The following TMED10 variants were observed in gnomAD, a reference collection of about 807,000 sequenced individuals.
TMED10 encodes transmembrane p24 trafficking protein 10.
In TMED10, 7 loss-of-function variants were observed where a neutral mutation model predicts 23.1. The observed-to-expected ratio is 0.30, with a 90% CI of 0.17 to 0.57. TMED10 has a LOEUF of 0.57. Among genes scored for constraint, TMED10 ranks in the 20% least tolerant of loss-of-function variants. The pLI, the probability that TMED10 is intolerant of heterozygous loss-of-function variation, is 0.91. For synonymous variants in TMED10, 113 were observed against 106.9 expected (o/e 1.06, Z -0.35); for missense variants, 162 against 274.8 (o/e 0.59, Z 2.90).
chr14:75,162,702 C>T (rs116819789), intron 1 of TMED10, among the ~76,000 whole-genome samples: 3,424 of 152,130 alleles, frequency 0.023, 86 homozygotes, highest in African/African-American at 0.055. Context: ...AGAAACCTGA[C>T]AAACACTAAT....
At chr14:75,139,360 TAATC>T (rs78813167) in intron 3 of TMED10, among the ~76,000 whole-genome samples, 61,407 of 151,704 alleles carry the variant, frequency 0.4, 12,902 homozygotes, top group Middle Eastern at 0.5. Context: ...ATTGTTTAGT[TAATC>T]ATTCAATTCC....
chr14:75,141,133 C>A (rs939861660), intron 3 of TMED10, among the ~76,000 whole-genome samples: 1 of 151,918 alleles, frequency 6.6e-6, no homozygotes, highest in Non-Finnish European at 1.5e-5. Flanking sequence ...ACTTCTATAA[C>A]AAAAAATACA....
chr14:75,147,650 A>T lies in TMED10; in HGVS notation c.411+14T>A. On this transcript the variant is annotated intron_variant, in intron 3 of 4. Coordinates refer to ENST00000303575, the MANE Select transcript of TMED10 (RefSeq NM_006827.6). ...CACACTGCTGCCTCCTCTGGCTGTT[A>T]GAGCAGGACATACCTCTTCGTAATT... 6.2e-7 allele frequency: 1 copy of T among 1,613,996 alleles called. No homozygotes were observed. The highest frequency in any genetic ancestry group is 1.1e-5 in the South Asian group (1 of 91,084).
rs972509220 is a variant in TMED10 at position 75,135,415 on chromosome 14, G to A, written c.538+345C>T. On this transcript the variant is annotated intron_variant, in intron 4 of 4. Transcript: ENST00000303575. The stretch of plus-strand genomic sequence containing the variant: ...AGATCGCACCACCGTACTCCAGCCT[G>A]AGCGACAGAGCGAGACTCCATCTCA... Among the ~76,000 whole-genome samples the A allele has an allele frequency of 3.3e-5, 5 of 152,322 alleles. No homozygotes were observed. In the East Asian group the frequency reaches 9.6e-4, roughly 29 times the overall value.
At chr14:75,147,522 G>A in intron 3 of TMED10, 142 bp downstream of exon 3, 1 of 897,224 alleles carries the variant, frequency 1.1e-6, no homozygotes, top group East Asian at 2.4e-5. Context: ...TTTTGTATCA[G>A]TAAGATCATG....
At chr14:75,148,629 T>G (rs1312791004) in intron 2 of TMED10, among the ~76,000 whole-genome samples, 1 of 152,086 alleles carries the variant, frequency 6.6e-6, no homozygotes, top group East Asian at 1.9e-4. Flanking sequence ...AAATTAGAAG[T>G]TGTGGGAAAC....
intron 1 of TMED10, among the ~76,000 whole-genome samples, chr14:75,164,577 A>T (rs12883144): frequency 0.62 from 27,770 of 44,656 alleles, 6,673 homozygotes; most frequent in East Asian, 0.8. Context: ...ATATATATAT[A>T]TTTTTTTTTT....
intron 2 of TMED10, among the ~76,000 whole-genome samples, chr14:75,150,928 A>G: frequency 6.6e-6 from 1 of 152,184 alleles, no homozygotes; most frequent in East Asian, 1.9e-4. Context: ...TTTGAGACAG[A>G]GTCTCGCTCT....
At chr14:75,164,557 ATATATATATATATATATATATT>A (rs1314493430) in intron 1 of TMED10, among the ~76,000 whole-genome samples, 203 of 14,852 alleles carry the variant, frequency 0.014, 12 homozygotes, top group African/African-American at 0.033. Flanking sequence ...ATATATATAT[ATATATATATATATATATATATT>A]TTTTTTTTTT....
intron 1 of TMED10, among the ~76,000 whole-genome samples, chr14:75,170,368 T>C (rs1896217945): frequency 6.6e-6 from 1 of 152,200 alleles, no homozygotes; most frequent in Non-Finnish European, 1.5e-5. Context: ...GCTTGTGGTC[T>C]CCAAATACCA....
chr14:75,136,010 C>T (rs1594863073), intron 3 of TMED10, 124 bp from the exon 4 acceptor site: 2 of 1,363,184 alleles, frequency 1.5e-6, no homozygotes, highest in Admixed American at 5.4e-5. Flanking sequence ...ATCAATCATC[C>T]TAACATATTT....
chr14:75,135,076 G>T (rs1228796855), intron 4 of TMED10, 70 bp from the exon 5 acceptor site: 36 of 1,586,368 alleles, frequency 2.3e-5, no homozygotes, highest in Non-Finnish European at 2.8e-5. Flanking sequence ...AATGGCAGGG[G>T]AGGTGGGTAA....
At chr14:75,167,293 C>T (rs1594874870) in intron 1 of TMED10, among the ~76,000 whole-genome samples, 1 of 152,064 alleles carries the variant, frequency 6.6e-6, no homozygotes, top group East Asian at 1.9e-4. Context: ...AGTACAGATA[C>T]CAGTAATAAA....
intron 2 of TMED10, among the ~76,000 whole-genome samples, chr14:75,150,733 C>T (rs1471038006): frequency 6.6e-6 from 1 of 152,118 alleles, no homozygotes; most frequent in Non-Finnish European, 1.5e-5. Context: ...AATATTTGCA[C>T]AACGAAATCA....
intron 1 of TMED10, among the ~76,000 whole-genome samples, chr14:75,164,393 G>A (rs1050812569): frequency 1.1e-4 from 16 of 150,694 alleles, no homozygotes; most frequent in Admixed American, 2.6e-4. Flanking sequence ...CACCAGGCCC[G>A]GCTAATTTTT....
intron 3 of TMED10, among the ~76,000 whole-genome samples, chr14:75,145,195 G>C (rs576146455): frequency 1.0e-3 from 155 of 152,280 alleles, no homozygotes; most frequent in African/African-American, 3.5e-3. Context: ...GTAAAGGCAG[G>C]CTTAGGACAT....
At chr14:75,169,449 G>C (rs1206021569) in intron 1 of TMED10, among the ~76,000 whole-genome samples, 1 of 152,142 alleles carries the variant, frequency 6.6e-6, no homozygotes, top group Non-Finnish European at 1.5e-5. Flanking sequence ...CCTGAGGTCA[G>C]GAGTTTGAGA....
intron 1 of TMED10, among the ~76,000 whole-genome samples, chr14:75,154,970 T>G (rs1288002535): frequency 6.6e-6 from 1 of 151,664 alleles, no homozygotes; most frequent in African/African-American, 2.4e-5. Context: ...GCCCTTTTTT[T>G]TTTTTTGAGA....
At position 75,133,305 on chromosome 14, in the gene TMED10, A is replaced by G. The variant is rs757234986; in HGVS notation, c.*1580T>C. The G allele has an allele frequency of 1.3e-5, 2 of 152,240 alleles. No homozygotes were observed. The highest frequency in any genetic ancestry group is 2.9e-5 in the Non-Finnish European group (2 of 68,032). The allele number at this position is 152,240 out of a possible 1,614,324, so 9.4% of individuals were successfully genotyped here. A position where few individuals can be genotyped will look rare whatever the true frequency, so the allele number is the denominator to read the frequency against. ...CAAAACTCAATAGTAAAAAGAACAA[A>G]TGACCTAAATAGAAAATAGACAAAA... is the stretch of plus-strand genomic sequence containing the variant. On this transcript the variant is annotated 3_prime_UTR_variant, in exon 5 of 5. Transcript: ENST00000303575.
Sources: gnomAD v4.1 joint callset for allele counts (sites outside exome capture counted in the v4.1 genomes callset) on GRCh38, gnomAD v4.1.1 for gene constraint, MANE v1.5 for transcripts, NCBI Gene and HGNC (gene_info 2026-07-23, HGNC 2026-07-21) for gene names.